UGT3A2: variants seen among roughly 807,000 people sequenced by gnomAD.
The protein encoded by UGT3A2 is UDP glycosyltransferase family 3 member A2, also known as UDP-glycosyltransferase 3A2.
A neutral mutation model predicts 39.8 loss-of-function variants in UGT3A2; 32 were observed. The observed-to-expected ratio is 0.80, with a 90% CI of 0.61 to 1.08. The LOEUF (loss-of-function observed/expected upper bound fraction) is 1.08, where lower values mean the gene tolerates loss of function less well. Ranked by LOEUF, UGT3A2 falls within the 50% of genes least tolerant of loss-of-function variation. The pLI, the probability that UGT3A2 is intolerant of heterozygous loss-of-function variation, is 0.00. For missense variants in UGT3A2, 611 were observed against 637.1 expected (o/e 0.96, Z 0.44); for synonymous variants, 241 against 230.7 (o/e 1.04, Z -0.40).
Position 36,035,573 on chromosome 5 carries a change from T to C in UGT3A2, c.*125A>G. The C allele has an allele frequency of 1.4e-6, 2 of 1,399,600 alleles. No homozygotes were observed. Among genetic ancestry groups the C allele is most frequent in the East Asian group, 4.9e-5 (2 of 40,992 alleles). 86.7% of individuals were successfully genotyped at this position (1,399,600 alleles called of 1,614,324 possible). ...AAGGATGATTTTTGGCCATTTTTCC[T>C]GTTCTTCAAGAAAACAGGAGATAAC... is the stretch of plus-strand genomic sequence containing the variant. On this transcript the variant is annotated 3_prime_UTR_variant, in exon 7 of 7. Transcript: ENST00000282507.
At chr5:36,053,106 G>A (rs953322997) in intron 2 of UGT3A2, among the ~76,000 whole-genome samples, 5 of 152,152 alleles carry the variant, frequency 3.3e-5, no homozygotes, top group African/African-American at 1.2e-4. Flanking sequence ...ACTGCTTCCA[G>A]CTTTCTCCAG....
chr5:36,044,366 A>C (rs1002117238), intron 4 of UGT3A2, among the ~76,000 whole-genome samples: 19 of 152,104 alleles, frequency 1.2e-4, no homozygotes, highest in Non-Finnish European at 1.2e-4. Flanking sequence ...TATATGACAC[A>C]CCCAAAGTTA....
At chr5:36,052,083 T>A (rs1184744805) in intron 2 of UGT3A2, 99 bp from the exon 3 acceptor site, 6 of 702,694 alleles carry the variant, frequency 8.5e-6, no homozygotes, top group South Asian at 8.4e-5. Flanking sequence ...AGATTATGTA[T>A]GTATTTGAAT....
chr5:36,061,020 T>G lies in UGT3A2; in HGVS notation c.196+3229A>C, dbSNP rs116854593. Among the ~76,000 whole-genome samples the G allele has an allele frequency of 1.5e-3, 224 of 152,188 alleles. 1 individual carries two copies. The East Asian group carries it at 0.036, about 25-fold the overall frequency. ...AAAATACAAAAAAATTAGCCAGGCG[T>G]GGTGCCCCACGCCTAATAGCACGCA... On this transcript the variant is annotated intron_variant, in intron 2 of 6. Transcript: ENST00000282507.
intron 2 of UGT3A2, among the ~76,000 whole-genome samples, chr5:36,052,830 T>C (rs1742391205): frequency 6.6e-6 from 1 of 152,192 alleles, no homozygotes; most frequent in Non-Finnish European, 1.5e-5. Context: ...AAATCAAATT[T>C]TGTGTAAGGA....
chr5:36,051,362 T>C (rs756863782), intron 3 of UGT3A2, among the ~76,000 whole-genome samples: 2 of 152,212 alleles, frequency 1.3e-5, no homozygotes, highest in Non-Finnish European at 2.9e-5. Flanking sequence ...AAAAGAACTT[T>C]GCATGGCTAT....
At chr5:36,059,886 C>T (rs77197465) in intron 2 of UGT3A2, among the ~76,000 whole-genome samples, 2,124 of 152,198 alleles carry the variant, frequency 0.014, 52 homozygotes, top group African/African-American at 0.048. Flanking sequence ...ATGAACAAAC[C>T]GTGTGGGTGC....
rs200676756 is a variant in UGT3A2, at chr5:36,037,195, GT to G, written c.1295+601del. Among the ~76,000 whole-genome samples, 874 of 152,280 alleles carry G rather than the reference GT, an allele frequency of 5.7e-3. 5 individuals carry two copies. Among genetic ancestry groups the G allele is most frequent in the Non-Finnish European group, 9.7e-3 (660 of 68,026 alleles). ...TCAGGAGGATCATTTGAGCCCAGGA[GT>G]TTGAGACCAGCCTGGGCAACATAAA... On this transcript the variant is annotated intron_variant, in intron 6 of 6. Transcript: ENST00000282507.
At position 36,051,969 on chromosome 5, in the gene UGT3A2, T is replaced by TC; in HGVS notation, c.211dup (p.Glu71GlyfsTer13). ...CCAACTGATAACTTGATATGATTTT[T>TC]CTTCCTTTTTAAAATCTAAGAAAAC... On this transcript the variant is annotated frameshift_variant, in exon 3 of 7. Coordinates refer to ENST00000282507, the MANE Select transcript of UGT3A2 (RefSeq NM_174914.4). LOFTEE classifies it high-confidence loss of function. 1 of 1,566,184 alleles carries TC rather than the reference T, an allele frequency of 6.4e-7. No homozygotes were observed. Among genetic ancestry groups the TC allele is most frequent in the South Asian group, 1.2e-5 (1 of 81,334 alleles).
chr5:36,051,148 G>A (rs1036256803), intron 3 of UGT3A2, among the ~76,000 whole-genome samples: 13 of 152,140 alleles, frequency 8.5e-5, no homozygotes, highest in African/African-American at 3.1e-4. Flanking sequence ...TATGGAAAAA[G>A]TCAGATTTGA....
At chr5:36,039,945 T>TC (rs754159189) in intron 4 of UGT3A2, among the ~76,000 whole-genome samples, 8 of 152,180 alleles carry the variant, frequency 5.3e-5, no homozygotes, top group Admixed American at 1.3e-4. Flanking sequence ...TTCTTGACCT[T>TC]CCACCCATTA....
chr5:36,056,240 G>T (rs1742508321), intron 2 of UGT3A2, among the ~76,000 whole-genome samples: 1 of 152,202 alleles, frequency 6.6e-6, no homozygotes, highest in Non-Finnish European at 1.5e-5. Context: ...AGATAGAGAG[G>T]TACTGGGTGG....
Position 36,035,828 on chromosome 5 carries a change from T to A in UGT3A2, c.1442A>T (p.His481Leu). 1 of 1,614,192 alleles carries A rather than the reference T, an allele frequency of 6.2e-7. No individual in the cohort carries two copies. The highest frequency in any genetic ancestry group is 1.1e-5 in the South Asian group (1 of 91,076). ...AAAAACGTCGAGCAGGTACTGCTCA[T>A]GCCAGGGCTGCTGAAAGACATAGGG... Reference protein sequence around the residue: ...LKPYVFQQPWHEQYLLDVFVF... With the variant: ...LKPYVFQQPWLEQYLLDVFVF... The change falls in exon 7 of 7, where the codon CAT becomes CTT. Residue 481 changes from histidine to leucine, a missense_variant. Transcript: ENST00000282507.
At chr5:36,037,176 G>A (rs181176791) in intron 6 of UGT3A2, among the ~76,000 whole-genome samples, 3 of 152,270 alleles carry the variant, frequency 2.0e-5, no homozygotes, top group Admixed American at 6.5e-5. Flanking sequence ...TGAATCAGGA[G>A]GATCATTTGA....
Position 36,037,982 on chromosome 5 carries a change from G to T in UGT3A2, c.1110C>A (p.Gly370=). Residue 370 remains glycine, a synonymous_variant, in exon 6 of 7, where the codon GGC becomes GGA. Transcript: ENST00000282507. ...TGGCCTCCATTATGCTATTCTGCCCGCCGTGGGTGACAAACAGACGGATGC... is the reference window on the plus strand; with the variant it reads ...TGGCCTCCATTATGCTATTCTGCCCTCCGTGGGTGACAAACAGACGGATGC... ...HPSIRLFVTH[G]GQNSIMEAIQ... 4 of 1,610,668 alleles carry T rather than the reference G, an allele frequency of 2.5e-6. No individual in the cohort carries two copies. Among genetic ancestry groups the T allele is most frequent in the Non-Finnish European group, 3.4e-6 (4 of 1,178,930 alleles).
chr5:36,040,856 C>A (rs1741983735), intron 4 of UGT3A2, among the ~76,000 whole-genome samples: 1 of 152,306 alleles, frequency 6.6e-6, no homozygotes, highest in Middle Eastern at 3.4e-3. Flanking sequence ...CCTCCCCCAA[C>A]TCCAGGCAGG....
At chr5:36,050,690 C>T (rs1159808932) in intron 3 of UGT3A2, among the ~76,000 whole-genome samples, 2 of 152,040 alleles carry the variant, frequency 1.3e-5, no homozygotes, top group African/African-American at 2.4e-5. Flanking sequence ...GGTGAAATGC[C>T]GTCACTACTA....
At chr5:36,066,610 C>T in intron 1 of UGT3A2, 86 bp downstream of exon 1, 1 of 1,599,792 alleles carries the variant, frequency 6.3e-7, no homozygotes, top group Non-Finnish European at 8.6e-7. Flanking sequence ...ACGTGGATGA[C>T]TCTGATCAAG....
At chr5:36,064,958 A>C (rs566853660) in intron 1 of UGT3A2, among the ~76,000 whole-genome samples, 1 of 152,178 alleles carries the variant, frequency 6.6e-6, no homozygotes, top group African/African-American at 2.4e-5. Context: ...ACAATGATCA[A>C]GTTCTAATTA....
Sources: gnomAD v4.1 joint callset for allele counts (sites outside exome capture counted in the v4.1 genomes callset) on GRCh38, gnomAD v4.1.1 for gene constraint, MANE v1.5 for transcripts, NCBI Gene and HGNC (gene_info 2026-07-23, HGNC 2026-07-21) for gene names.